Variants in KHDRBS2 observed in about 807,000 individuals in gnomAD.
KHDRBS2 encodes KH domain-containing, RNA-binding, signal transduction-associated protein 2.
In KHDRBS2, 26 loss-of-function variants were observed where a neutral mutation model predicts 44.3. The ratio of observed to expected loss-of-function variants is 0.59; its 90% CI spans 0.43 to 0.81. The LOEUF (loss-of-function observed/expected upper bound fraction) is 0.81. Ranked by LOEUF, KHDRBS2 falls within the 40% of genes least tolerant of loss-of-function variation. The pLI is 0.00. For missense variants in KHDRBS2, 476 were observed against 433.1 expected (o/e 1.10, Z -0.88); for synonymous variants, 194 against 151.1 (o/e 1.28, Z -2.08).
intron 6 of KHDRBS2, among the ~76,000 whole-genome samples, chr6:61,819,669 A>G (rs1789562047): frequency 6.6e-6 from 1 of 152,038 alleles, no homozygotes; most frequent in Non-Finnish European, 1.5e-5. Flanking sequence ...TATTGTTTTC[A>G]ATATTAGAGA....
chr6:62,101,480 T>A (rs1801894489), intron 2 of KHDRBS2, among the ~76,000 whole-genome samples: 1 of 152,120 alleles, frequency 6.6e-6, no homozygotes, highest in African/African-American at 2.4e-5. Context: ...TGAATATATG[T>A]CAAGGTACAA....
intron 2 of KHDRBS2, among the ~76,000 whole-genome samples, chr6:62,172,917 C>T (rs1443599708): frequency 6.6e-6 from 1 of 150,716 alleles, no homozygotes; most frequent in Non-Finnish European, 1.5e-5. Context: ...GTACAAGAGT[C>T]ACTGGGACAC....
intron 3 of KHDRBS2, among the ~76,000 whole-genome samples, chr6:62,024,042 A>G: frequency 6.6e-6 from 1 of 151,246 alleles, no homozygotes. Context: ...CAATCCCAAT[A>G]TAAAAAAAAG....
chr6:61,964,976 G>C (rs1562541598), intron 4 of KHDRBS2, among the ~76,000 whole-genome samples: 2 of 152,228 alleles, frequency 1.3e-5, no homozygotes, highest in Non-Finnish European at 2.9e-5. Context: ...TTATATTTCA[G>C]TATACTTGTA....
At chr6:61,847,582 G>A (rs554626676) in intron 6 of KHDRBS2, among the ~76,000 whole-genome samples, 116 of 152,158 alleles carry the variant, frequency 7.6e-4, no homozygotes, top group African/African-American at 2.7e-3. Flanking sequence ...TATTGTTTAT[G>A]TTCGAAAACA....
rs1766233127 is a variant in KHDRBS2, at chr6:61,681,007, A to G, written c.1006T>C (p.Ser336Pro). Reference protein sequence around the residue: ...RSSLKAPPQRSARGGYREHPY... With the variant: ...RSSLKAPPQRPARGGYREHPY... Reference sequence around the variant, plus strand: ...TGTTCCCTGTATCCCCCTCTGGCTGACCTTTGCGGTGGTGCCTTCAAGCTA... The same window carrying G: ...TGTTCCCTGTATCCCCCTCTGGCTGGCCTTTGCGGTGGTGCCTTCAAGCTA... The change falls in exon 9 of 9, where the codon TCA becomes CCA. Residue 336 changes from serine to proline, a missense_variant. Transcript: ENST00000281156. 9.9e-6 allele frequency: 16 copies of G among 1,611,288 alleles called. No homozygotes were observed. Among genetic ancestry groups the G allele is most frequent in the Non-Finnish European group, 1.4e-5 (16 of 1,178,430 alleles).
chr6:61,844,659 A>G (rs929675869), intron 6 of KHDRBS2, among the ~76,000 whole-genome samples: 1 of 152,190 alleles, frequency 6.6e-6, no homozygotes, highest in Admixed American at 6.5e-5. Flanking sequence ...TGTCTGGCAC[A>G]AAGTAGAAAT....
At chr6:62,217,294 T>A (rs1830174785) in intron 1 of KHDRBS2, among the ~76,000 whole-genome samples, 1 of 151,762 alleles carries the variant, frequency 6.6e-6, no homozygotes, top group South Asian at 2.1e-4. Context: ...AAAAGCTAAA[T>A]TCATATATAG....
the KHDRBS2 span, among the ~76,000 whole-genome samples, chr6:61,640,994 T>C: frequency 1.3e-5 from 2 of 152,168 alleles, no homozygotes; most frequent in Non-Finnish European, 2.9e-5. Flanking sequence ...GGTTATCTGT[T>C]AGTATGCTCA....
chr6:61,678,301 C>G (rs1041643217), downstream of KHDRBS2, among the ~76,000 whole-genome samples: 5 of 151,968 alleles, frequency 3.3e-5, no homozygotes. Flanking sequence ...TTTTCAACTT[C>G]TCGTGTACGG....
chr6:61,730,176 G>A (rs190688207), intron 7 of KHDRBS2, among the ~76,000 whole-genome samples: 2 of 151,992 alleles, frequency 1.3e-5, no homozygotes, highest in Admixed American at 1.3e-4. Flanking sequence ...AACTATACTA[G>A]TATTGAGGAT....
At chr6:61,649,795 A>AT in the KHDRBS2 span, among the ~76,000 whole-genome samples, 61 of 152,176 alleles carry the variant, frequency 4.0e-4, no homozygotes, top group Middle Eastern at 0.024. Flanking sequence ...TAAGCTACAT[A>AT]TATCTCTTGT....
chr6:62,179,344 G>A (rs1218977257), intron 1 of KHDRBS2, among the ~76,000 whole-genome samples: 4 of 151,596 alleles, frequency 2.6e-5, no homozygotes, highest in African/African-American at 9.7e-5. Flanking sequence ...TACTTAGTGT[G>A]ATAACATCAG....
At chr6:61,728,708 G>T (rs1401604246) in intron 7 of KHDRBS2, among the ~76,000 whole-genome samples, 2 of 152,072 alleles carry the variant, frequency 1.3e-5, no homozygotes, top group African/African-American at 2.4e-5. Flanking sequence ...TCAAATGTAG[G>T]TAGATGTATT....
the KHDRBS2 span, among the ~76,000 whole-genome samples, chr6:61,548,207 A>G: frequency 1.8e-3 from 278 of 152,276 alleles, no homozygotes; most frequent in African/African-American, 6.3e-3. Flanking sequence ...TCAACTAACT[A>G]TGGAAAAATA....
chr6:61,877,741 C>A (rs531076783), intron 6 of KHDRBS2, among the ~76,000 whole-genome samples: 5 of 151,940 alleles, frequency 3.3e-5, no homozygotes, highest in Middle Eastern at 3.4e-3. Context: ...TTTAAAACAT[C>A]TCTTTAGAAA....
intron 2 of KHDRBS2, among the ~76,000 whole-genome samples, chr6:62,116,744 C>T (rs1223984532): frequency 2.0e-5 from 3 of 152,082 alleles, no homozygotes; most frequent in Non-Finnish European, 4.4e-5. Context: ...ATGCCAGTCT[C>T]TCTTCATTTT....
intron 7 of KHDRBS2, among the ~76,000 whole-genome samples, chr6:61,725,701 G>A (rs1033650813): frequency 2.0e-5 from 3 of 152,064 alleles, no homozygotes; most frequent in Admixed American, 6.6e-5. Context: ...TATAAGAAAT[G>A]CATAAATTCC....
chr6:62,160,764 C>T (rs940082171), intron 2 of KHDRBS2, among the ~76,000 whole-genome samples: 2 of 152,080 alleles, frequency 1.3e-5, no homozygotes, highest in African/African-American at 4.8e-5. Flanking sequence ...AAGGTGATGA[C>T]TTAGCCCAGG....
Sources: gnomAD v4.1 joint callset for allele counts (sites outside exome capture counted in the v4.1 genomes callset) on GRCh38, gnomAD v4.1.1 for gene constraint, MANE v1.5 for transcripts, NCBI Gene and HGNC (gene_info 2026-07-23, HGNC 2026-07-21) for gene names.